Variants in TMED2 observed in about 807,000 individuals in gnomAD.
The protein encoded by TMED2 is transmembrane emp24 domain-containing protein 2.
TMED2 carries 3 observed loss-of-function variants against 17.5 expected under a neutral mutation model. The ratio of observed to expected loss-of-function variants is 0.17; its 90% CI spans 0.08 to 0.44. The LOEUF (loss-of-function observed/expected upper bound fraction) is 0.44, where lower values mean the gene tolerates loss of function less well. Ranked by LOEUF, TMED2 falls within the 20% of genes least tolerant of loss-of-function variation. TMED2 has a pLI of 0.99. For synonymous variants in TMED2, 95 were observed against 91.0 expected (o/e 1.04, Z -0.25); for missense variants, 149 against 254.8 (o/e 0.58, Z 2.83).
chr12:123,597,654 G>A lies in TMED2; in HGVS notation c.*925G>A, dbSNP rs898959316. 3 of 152,644 alleles carry A rather than the reference G, an allele frequency of 2.0e-5. No individual in the cohort carries two copies. The highest frequency in any genetic ancestry group is 2.9e-5 in the Non-Finnish European group (2 of 68,050). 9.5% of individuals were successfully genotyped at this position (152,644 alleles called of 1,614,324 possible). ...CCACTGTTCAGGGTACTGACCATCAGTGTCAGCATTAGGGTTTTGGTTTTT... is the reference window on the plus strand; with the variant it reads ...CCACTGTTCAGGGTACTGACCATCAATGTCAGCATTAGGGTTTTGGTTTTT... On this transcript the variant is annotated 3_prime_UTR_variant, in exon 4 of 4. Transcript: ENST00000262225.
At chr12:123,593,750 G>T (rs1369945180) in intron 3 of TMED2, among the ~76,000 whole-genome samples, 1 of 152,008 alleles carries the variant, frequency 6.6e-6, no homozygotes, top group Non-Finnish European at 1.5e-5. Flanking sequence ...CACCCGCCTT[G>T]GCCTCCCAAA....
At chr12:123,589,032 A>AT (rs1953371459) in intron 2 of TMED2, among the ~76,000 whole-genome samples, 1 of 152,102 alleles carries the variant, frequency 6.6e-6, no homozygotes, top group Non-Finnish European at 1.5e-5. Context: ...GGATGAAGAG[A>AT]TCCCCCTTTC....
At chr12:123,592,662 C>T (rs1385988153) in intron 3 of TMED2, among the ~76,000 whole-genome samples, 2 of 152,174 alleles carry the variant, frequency 1.3e-5, no homozygotes, top group Non-Finnish European at 2.9e-5. Context: ...CACTCCTCAG[C>T]AGTGAACATA....
intron 2 of TMED2, 51 bp downstream of exon 2, chr12:123,586,990 G>T: frequency 6.8e-7 from 1 of 1,475,974 alleles, no homozygotes; most frequent in Non-Finnish European, 9.0e-7. Context: ...GCTAATTTTA[G>T]TTCTATACAT....
intron 3 of TMED2, among the ~76,000 whole-genome samples, chr12:123,596,016 CA>C (rs1202688028): frequency 5.3e-5 from 8 of 152,014 alleles, no homozygotes; most frequent in Non-Finnish European, 1.2e-4. Flanking sequence ...ACAGAGCAAA[CA>C]AAAAAGTCTT....
chr12:123,587,015 G>A lies in TMED2; in HGVS notation c.373+76G>A, dbSNP rs556392988. 4 of 1,288,094 alleles carry A rather than the reference G, an allele frequency of 3.1e-6. No homozygotes were observed. The Admixed American group carries it at 1.2e-4, about 39-fold the overall frequency. 79.8% of individuals were successfully genotyped at this position (1,288,094 alleles called of 1,614,324 possible). A position where few individuals can be genotyped will look rare whatever the true frequency, so the allele number is the denominator to read the frequency against. ...GTTCTATACATTTTTACCTGTCTGAGTGGAGTACTTATTTTTTTTAAATTT... is the reference window on the plus strand; with the variant it reads ...GTTCTATACATTTTTACCTGTCTGAATGGAGTACTTATTTTTTTTAAATTT... On this transcript the variant is annotated intron_variant, in intron 2 of 3. Coordinates refer to ENST00000262225, the MANE Select transcript of TMED2 (RefSeq NM_006815.4).
chr12:123,592,987 C>G (rs925553231), intron 3 of TMED2, among the ~76,000 whole-genome samples: 1 of 151,748 alleles, frequency 6.6e-6, no homozygotes, highest in Non-Finnish European at 1.5e-5. Flanking sequence ...AGGCGAATAA[C>G]GAGGTCAGTA....
chr12:123,593,546 G>T (rs1230258507), intron 3 of TMED2, among the ~76,000 whole-genome samples: 1 of 152,266 alleles, frequency 6.6e-6, no homozygotes, highest in Non-Finnish European at 1.5e-5. Context: ...GAGGGAGAAA[G>T]ATGGTTGGAT....
rs1436032449 is a variant in TMED2 at position 123,584,832 on chromosome 12, C to T, written c.180+16C>T. ...CGACGTGGAGGTGCGGGCTAGCTGC[C>T]CGCAGCTGAGGCTTGGTCGCGTGGC... On this transcript the variant is annotated intron_variant, in intron 1 of 3. Coordinates refer to ENST00000262225, the MANE Select transcript of TMED2 (RefSeq NM_006815.4). 5.6e-6 allele frequency: 9 copies of T among 1,605,452 alleles called. No individual in the cohort carries two copies. Among genetic ancestry groups the T allele is most frequent in the Non-Finnish European group, 7.6e-6 (9 of 1,179,642 alleles).
At position 123,590,466 on chromosome 12, in the gene TMED2, A is replaced by G; in HGVS notation, c.481+17A>G. ...ACAGAGCCAGTAAGTGAATGCCGTCACTTTGCAGCAGTGTCTGATGGTGAA... is the reference window on the plus strand; with the variant it reads ...ACAGAGCCAGTAAGTGAATGCCGTCGCTTTGCAGCAGTGTCTGATGGTGAA... On this transcript the variant is annotated intron_variant, in intron 3 of 3. Transcript: ENST00000262225. 6.3e-7 allele frequency: 1 copy of G among 1,578,082 alleles called. No homozygotes were observed. The highest frequency in any genetic ancestry group is 1.1e-5 in the South Asian group (1 of 88,578).
intron 2 of TMED2, 62 bp downstream of exon 2, chr12:123,587,001 T>C: frequency 7.0e-7 from 1 of 1,435,576 alleles, no homozygotes; most frequent in Non-Finnish European, 9.3e-7. Flanking sequence ...TTCTATACAT[T>C]TTTACCTGTC....
At chr12:123,588,456 A>G (rs1022091274) in intron 2 of TMED2, among the ~76,000 whole-genome samples, 1 of 152,164 alleles carries the variant, frequency 6.6e-6, no homozygotes, top group African/African-American at 2.4e-5. Flanking sequence ...AGGGAGAATG[A>G]GGAGTTCTGA....
intron 2 of TMED2, among the ~76,000 whole-genome samples, chr12:123,588,048 T>C (rs1362197045): frequency 6.6e-6 from 1 of 152,136 alleles, no homozygotes; most frequent in African/African-American, 2.4e-5. Flanking sequence ...AGGAGCCATA[T>C]GTTGATATGA....
At chr12:123,593,193 G>A (rs1409969795) in intron 3 of TMED2, among the ~76,000 whole-genome samples, 2 of 152,062 alleles carry the variant, frequency 1.3e-5, no homozygotes, top group Non-Finnish European at 2.9e-5. Context: ...CTTTCAAAGT[G>A]CTGGGATTAC....
intron 1 of TMED2, 42 bp from the exon 2 acceptor site, chr12:123,586,703 CTT>C (rs1173027784): frequency 9.7e-6 from 15 of 1,540,036 alleles, no homozygotes; most frequent in Non-Finnish European, 1.2e-5. Context: ...AAGTCTATGA[CTT>C]AATCTTTTGT....
intron 1 of TMED2, chr12:123,585,113 G>A (rs955593269): frequency 1.8e-5 from 6 of 340,270 alleles, no homozygotes; most frequent in Middle Eastern, 8.7e-4. Flanking sequence ...GCTGAGCTTT[G>A]TGAATCAGGC....
In TMED2 at chr12:123,584,607, C is replaced by A. The variant is rs1352228199; in HGVS notation, c.-30C>A. 1.3e-6 allele frequency: 2 copies of A among 1,597,212 alleles called. No homozygotes were observed. The highest frequency in any genetic ancestry group is 1.7e-5 in the Admixed American group (1 of 58,804). On this transcript the variant is annotated 5_prime_UTR_variant, in exon 1 of 4. Transcript: ENST00000262225. ...CGGCGGCGGCTGTGGAGGCCGCAGT[C>A]CGGGTCCTGGCTTCGGCCTCAGCCC... is the stretch of plus-strand genomic sequence containing the variant.
rs142625249 is a variant in TMED2, at chr12:123,594,983, C to T, written c.482-1622C>T. 6.0e-3 allele frequency among the ~76,000 whole-genome samples: 908 copies of T among 152,152 alleles called. 9 individuals are homozygous for T. Among genetic ancestry groups the T allele is most frequent in the African/African-American group, 0.021 (875 of 41,526 alleles). On this transcript the variant is annotated intron_variant, in intron 3 of 3. Coordinates refer to ENST00000262225, the MANE Select transcript of TMED2 (RefSeq NM_006815.4). ...GTGGCTCATGCCTATAATCCCAGCACTTTGGGAGGCCGAGGCAGGCAGATC... is the reference window on the plus strand; with the variant it reads ...GTGGCTCATGCCTATAATCCCAGCATTTTGGGAGGCCGAGGCAGGCAGATC...
chr12:123,591,767 C>T (rs900062329), intron 3 of TMED2, among the ~76,000 whole-genome samples: 5 of 150,442 alleles, frequency 3.3e-5, no homozygotes, highest in Non-Finnish European at 3.0e-5. Flanking sequence ...GGCGACAGAG[C>T]GAGACTCTGT....
Sources: allele counts gnomAD v4.1 joint callset (sites outside exome capture counted in the v4.1 genomes callset), GRCh38; gene constraint gnomAD v4.1.1; transcripts MANE v1.5; gene names NCBI Gene and HGNC (gene_info 2026-07-23, HGNC 2026-07-21).